MYO15A: variants seen among roughly 807,000 people sequenced by gnomAD.
MYO15A encodes myosin XVA, also known as unconventional myosin-XV.
A neutral mutation model predicts 394.6 loss-of-function variants in MYO15A; 308 were observed. The ratio of observed to expected loss-of-function variants is 0.78; its 90% CI spans 0.71 to 0.86. The LOEUF (loss-of-function observed/expected upper bound fraction) is 0.86. MYO15A is among the 40% of genes least tolerant of loss of function. The pLI is 0.00. For missense variants in MYO15A, 4,606 were observed against 4,799.1 expected, an observed-to-expected ratio of 0.96 and a Z score of 1.19; for synonymous variants, 1,957 against 2,003.8, an observed-to-expected ratio of 0.98 and a Z score of 0.62.
At chr17:18,155,502 C>G (rs1005184303) in intron 47 of MYO15A, 70 bp downstream of exon 47, 3 of 1,390,742 alleles carry the variant, frequency 2.2e-6, no homozygotes, top group East Asian at 2.3e-5. Flanking sequence ...TTTCCTTCCC[C>G]TCCACAGCCA....
chr17:18,131,202 T>G, intron 8 of MYO15A, 37 bp from the exon 9 acceptor site: 1 of 1,531,476 alleles, frequency 6.5e-7, no homozygotes, highest in Non-Finnish European at 9.0e-7. Flanking sequence ...GAACAGTGCC[T>G]AGCCCCTCAA....
chr17:18,178,937 A>T lies in MYO15A; in HGVS notation c.*67A>T. On this transcript the variant is annotated 3_prime_UTR_variant, in exon 66 of 66. Coordinates refer to ENST00000647165, the MANE Select transcript of MYO15A (RefSeq NM_016239.4). ...CTGTGTGGCCTCAGAGAAATCACTG[A>T]ACCTCTCAGGATCAATGACCCCTGT... The T allele has an allele frequency of 6.6e-7, 1 of 1,507,208 alleles. No homozygotes were observed. Among genetic ancestry groups the T allele is most frequent in the Non-Finnish European group, 9.1e-7 (1 of 1,098,558 alleles). The allele number at this position is 1,507,208 out of a possible 1,614,324, so 93.4% of individuals were successfully genotyped here.
chr17:18,141,927 C>G (rs1437119851), intron 23 of MYO15A, 152 bp from the exon 24 acceptor site: 10 of 1,204,260 alleles, frequency 8.3e-6, no homozygotes, highest in South Asian at 3.7e-5. Flanking sequence ...CCAGCATCCT[C>G]TCTTCAACCT....
At position 18,119,192 on chromosome 17, in the gene MYO15A, C is replaced by T. The variant is rs1237966193; in HGVS notation, c.392C>T (p.Ser131Phe). 1 of 1,612,536 alleles carries T rather than the reference C, an allele frequency of 6.2e-7. No individual in the cohort carries two copies. Among genetic ancestry groups the T allele is most frequent in the South Asian group, 1.1e-5 (1 of 91,080 alleles). Reference sequence around the variant, plus strand: ...CGCGCCCGGTCACTCAGCAAAGCGTCCACGGCCATCAACTGGCTCACAAAA... The same window carrying T: ...CGCGCCCGGTCACTCAGCAAAGCGTTCACGGCCATCAACTGGCTCACAAAA... ...RPRARSLSKA[S>F]TAINWLTKKF... The change falls in exon 2 of 66, where the codon TCC (serine) becomes TTC (phenylalanine). Residue 131 changes from serine (S) to phenylalanine (F), a missense_variant. Ser to Phe is a radical substitution (Grantham distance 155). Around this residue, in one of 2 missense-constraint regions of MYO15A, gnomAD observed 1,830 missense variants for 1,689.7 expected, o/e 1.08. Transcript: ENST00000647165.
At position 18,175,864 on chromosome 17, in the gene MYO15A, T is replaced by C. The variant is rs79633220; in HGVS notation, c.10491+1943T>C. 7.4e-3 allele frequency among the ~76,000 whole-genome samples: 1,120 copies of C among 151,928 alleles called. 7 individuals are homozygous for C. The highest frequency in any genetic ancestry group is 0.017 in the African/African-American group (707 of 41,384). ...TCCTCCCATGACCTTTGTGGCCTCC[T>C]CTCCCACCTCCCCCATCTCTGCTCA... is the stretch of plus-strand genomic sequence containing the variant. On this transcript the variant is annotated intron_variant, in intron 65 of 65. Transcript: ENST00000647165.
intron 7 of MYO15A, 136 bp downstream of exon 7, chr17:18,127,301 A>G (rs1193062591): frequency 2.7e-6 from 3 of 1,095,614 alleles, no homozygotes; most frequent in Non-Finnish European, 2.7e-6. Flanking sequence ...GGCCTTGCCC[A>G]GGGCTGCTTT....
At position 18,166,486 on chromosome 17, in the gene MYO15A, G is replaced by C. The variant is rs535441567; in HGVS notation, c.9913G>C (p.Glu3305Gln). 3.2e-5 allele frequency: 52 copies of C among 1,613,764 alleles called. 1 individual carries two copies. In the South Asian group the frequency reaches 5.7e-4, roughly 18 times the overall value. Reference sequence around the variant, plus strand: ...GCTCTGGGATCAGCCACTCAAGTTCGAGAATGAGCTATATGTGACCATGCA... The same window carrying C: ...GCTCTGGGATCAGCCACTCAAGTTCCAGAATGAGCTATATGTGACCATGCA... ...RVLWDQPLKF[E>Q]NELYVTMHYN... Residue 3305 changes from glutamate (E) to glutamine (Q), a missense_variant, in exon 61 of 66, where the codon GAG becomes CAG. Coordinates refer to ENST00000647165, the MANE Select transcript of MYO15A (RefSeq NM_016239.4).
intron 60 of MYO15A, among the ~76,000 whole-genome samples, chr17:18,165,569 G>A (rs576311449): frequency 2.6e-5 from 4 of 152,306 alleles, no homozygotes; most frequent in Non-Finnish European, 4.4e-5. Context: ...ATGACACTGG[G>A]CCTGCTTGGA....
intron 2 of MYO15A, 86 bp from the exon 3 acceptor site, chr17:18,124,397 C>T (rs1385943395): frequency 7.2e-6 from 10 of 1,391,750 alleles, no homozygotes; most frequent in Admixed American, 5.4e-5. Context: ...ACAATGGTAG[C>T]AGGCCCCAGG....
At chr17:18,167,196 C>G (rs1242117021) in intron 61 of MYO15A, among the ~76,000 whole-genome samples, 1 of 152,254 alleles carries the variant, frequency 6.6e-6, no homozygotes. Flanking sequence ...CAAGTCCCGC[C>G]TCAGACCTCC....
rs750017337 is a variant in MYO15A at position 18,178,795 on chromosome 17, C to T, written c.10518C>T (p.Ala3506=). 8 of 1,613,874 alleles carry T rather than the reference C, an allele frequency of 5.0e-6. No homozygotes were observed. Among genetic ancestry groups the T allele is most frequent in the Admixed American group, 3.3e-5 (2 of 59,994 alleles). Residue 3506 remains alanine, a synonymous_variant, in exon 66 of 66, where the codon GCC becomes GCT. Transcript: ENST00000647165. ...GACTGGAACTGTGTCGTGTGGTGGC[C>T]GTGCACGTGGAGAACCTGCTCAGTG... The part of the protein sequence containing the change: ...EQGLELCRVV[A]VHVENLLSAH...
chr17:18,136,642 C>T lies in MYO15A; in HGVS notation c.4735C>T (p.Gln1579Ter). Residue 1579 changes from glutamine to a stop codon, truncating the protein, a stop_gained, in exon 15 of 66, where the codon CAG becomes TAG. Transcript: ENST00000647165. LOFTEE classifies it high-confidence loss of function. The stretch of plus-strand genomic sequence containing the variant: ...GGTCAACGCGCTGGTGTCCCCAAGG[C>T]AGGACACACTGTCCATCGCCATCCT... Reference protein sequence around the residue: ...TRVNALVSPRQDTLSIAILDI... With the variant: ...TRVNALVSPR The T allele has an allele frequency of 6.2e-7, 1 of 1,613,170 alleles. No individual in the cohort carries two copies. The highest frequency in any genetic ancestry group is 1.3e-5 in the African/African-American group (1 of 75,058).
In MYO15A at chr17:18,120,643, G is replaced by T; in HGVS notation, c.1843G>T (p.Ala615Ser). Reference protein sequence around the residue: ...AAYKRFGYKLAGMDPEKPGTP... With the variant: ...AAYKRFGYKLSGMDPEKPGTP... ...CTACAAACGCTTCGGCTACAAGCTG[G>T]CTGGCATGGACCCCGAGAAGCCCGG... Residue 615 changes from alanine (A) to serine (S), a missense_variant, in exon 2 of 66, where the codon GCT becomes TCT. By Grantham distance (99) the Ala-to-Ser change is moderately conservative. This residue lies in a region of MYO15A where 1,830 missense variants were observed against 1,689.7 expected (regional missense o/e 1.08). Transcript: ENST00000647165. The T allele has an allele frequency of 1.3e-6, 2 of 1,594,948 alleles. No individual in the cohort carries two copies. The highest frequency in any genetic ancestry group is 8.5e-7 in the Non-Finnish European group (1 of 1,174,032).
chr17:18,151,455 C>G lies in MYO15A; in HGVS notation c.7715C>G (p.Pro2572Arg). The G allele has an allele frequency of 6.2e-7, 1 of 1,614,184 alleles. No homozygotes were observed. Among genetic ancestry groups the G allele is most frequent in the Non-Finnish European group, 8.5e-7 (1 of 1,180,038 alleles). ...STLNSEHFPQPTQQIKNIVRQ... is the reference protein window; with the variant it reads ...STLNSEHFPQRTQQIKNIVRQ... ...CTCAACTCTGAGCACTTCCCACAGC[C>G]CACACAGCAGATCAAGAATATTGTC... Residue 2572 changes from proline (P) to arginine (R), a missense_variant, in exon 40 of 66, where the codon CCC becomes CGC. Transcript: ENST00000647165.
At chr17:18,131,422 C>T (rs1414566897) in intron 9 of MYO15A, 46 bp from the exon 10 acceptor site, 1 of 1,613,362 alleles carries the variant, frequency 6.2e-7, no homozygotes, top group Admixed American at 1.7e-5. Context: ...GAGCCAACAC[C>T]AGCCCTCCTA....
intron 62 of MYO15A, among the ~76,000 whole-genome samples, chr17:18,171,068 A>G (rs2046933618): frequency 6.6e-6 from 1 of 152,140 alleles, no homozygotes; most frequent in South Asian, 2.1e-4. Flanking sequence ...ATGGGCTGGT[A>G]CTGCTATTGG....
At chr17:18,172,109 C>T in intron 63 of MYO15A, 48 bp from the exon 64 acceptor site, 1 of 1,613,268 alleles carries the variant, frequency 6.2e-7, no homozygotes, top group Non-Finnish European at 8.5e-7. Flanking sequence ...TGGCTGTTGT[C>T]AGTGAGCCCT....
intron 12 of MYO15A, 54 bp downstream of exon 12, chr17:18,133,440 C>G: frequency 6.2e-7 from 1 of 1,600,544 alleles, no homozygotes; most frequent in South Asian, 1.1e-5. Context: ...ACTTGGCCGT[C>G]TTTTCCAAGG....
At chr17:18,114,267 T>TTTTTTTTTTTTTTTTG (rs879237595) in intron 1 of MYO15A, among the ~76,000 whole-genome samples, 1 of 105,022 alleles carries the variant, frequency 9.5e-6, no homozygotes, top group Non-Finnish European at 1.8e-5. Context: ...TTTTTTTTTT[T>TTTTTTTTTTTTTTTTG]GAGACGGAGT....
Sources: allele counts gnomAD v4.1 joint callset (sites outside exome capture counted in the v4.1 genomes callset), GRCh38; gene constraint gnomAD v4.1.1; regional missense constraint gnomAD v4.1.1; transcripts MANE v1.5; gene names NCBI Gene and HGNC (gene_info 2026-07-23, HGNC 2026-07-21).